Variants in EBF2 observed in about 807,000 individuals in gnomAD.
EBF2 encodes transcription factor COE2.
In EBF2, 21 loss-of-function variants were observed where a neutral mutation model predicts 72.8. The observed-to-expected ratio is 0.29, with a 90% CI of 0.20 to 0.42. The LOEUF (loss-of-function observed/expected upper bound fraction) is 0.42, where lower values mean the gene tolerates loss of function less well. Among genes scored for constraint, EBF2 ranks in the 10% least tolerant of loss-of-function variants. EBF2 has a pLI of 1.00. For missense variants in EBF2, 637 were observed against 731.2 expected (o/e 0.87, Z 1.49); for synonymous variants, 299 against 274.2 (o/e 1.09, Z -0.89).
In EBF2 at chr8:25,844,508, A is replaced by ATG; in HGVS notation, c.*99_*100dup. ...AGACCCAAGGGTGTCCATCATGTTC[A>ATG]TGTGGGGGCACCACTACACCCCCAA... On this transcript the variant is annotated 3_prime_UTR_variant, in exon 16 of 16. Coordinates refer to ENST00000520164, the MANE Select transcript of EBF2 (RefSeq NM_022659.4). 5 of 1,342,142 alleles carry ATG rather than the reference A, an allele frequency of 3.7e-6. No individual in the cohort carries two copies. The highest frequency in any genetic ancestry group is 5.3e-6 in the Non-Finnish European group (5 of 937,504). The allele number at this position is 1,342,142 out of a possible 1,614,324, so 83.1% of individuals were successfully genotyped here. A position where few individuals can be genotyped will look rare whatever the true frequency, so the allele number is the denominator to read the frequency against.
At chr8:25,869,038 A>T (rs909376791) in intron 10 of EBF2, among the ~76,000 whole-genome samples, 13 of 152,190 alleles carry the variant, frequency 8.5e-5, no homozygotes, top group Non-Finnish European at 1.5e-4. Context: ...CATATTAACA[A>T]GAATTTTTTA....
chr8:25,914,365 G>A (rs920300420), intron 6 of EBF2, among the ~76,000 whole-genome samples: 10 of 152,224 alleles, frequency 6.6e-5, no homozygotes, highest in African/African-American at 2.4e-4. Flanking sequence ...TCTACACCCA[G>A]GCAGCCCTAG....
intron 6 of EBF2, 83 bp from the exon 7 acceptor site, chr8:25,908,638 T>C (rs1803078303): frequency 1.1e-6 from 1 of 913,532 alleles, no homozygotes; most frequent in Non-Finnish European, 1.7e-6. Context: ...AGATTTGATT[T>C]GACAGCGATT....
At chr8:25,921,085 A>C (rs1436738479) in intron 6 of EBF2, among the ~76,000 whole-genome samples, 1 of 152,186 alleles carries the variant, frequency 6.6e-6, no homozygotes, top group Non-Finnish European at 1.5e-5. Flanking sequence ...CAAAAAAAGG[A>C]AAAAAGAAAG....
intron 7 of EBF2, among the ~76,000 whole-genome samples, chr8:25,897,298 C>A (rs1802876649): frequency 6.6e-6 from 1 of 152,012 alleles, no homozygotes; most frequent in Non-Finnish European, 1.5e-5. Context: ...ACTAAACCAA[C>A]ACTGGTCAAT....
chr8:26,012,130 AG>A (rs1805035822), intron 6 of EBF2, among the ~76,000 whole-genome samples: 1 of 152,132 alleles, frequency 6.6e-6, no homozygotes, highest in Non-Finnish European at 1.5e-5. Flanking sequence ...ATTTCCCTAG[AG>A]TTCCTGTGTC....
chr8:25,982,995 T>C (rs1168600942), intron 6 of EBF2, among the ~76,000 whole-genome samples: 1 of 151,952 alleles, frequency 6.6e-6, no homozygotes, highest in Non-Finnish European at 1.5e-5. Flanking sequence ...AATTCTCTGG[T>C]AAAAAATAAG....
intron 15 of EBF2, among the ~76,000 whole-genome samples, chr8:25,845,339 TGCCTCA>T (rs57718539): frequency 0.14 from 21,010 of 152,074 alleles, 1,615 homozygotes; most frequent in African/African-American, 0.2. Flanking sequence ...GTGATTCTCC[TGCCTCA>T]GCCTCTGCCT....
intron 6 of EBF2, among the ~76,000 whole-genome samples, chr8:26,013,296 G>T (rs758357756): frequency 3.8e-4 from 58 of 152,054 alleles, no homozygotes; most frequent in Non-Finnish European, 7.8e-4. Flanking sequence ...TCCTTTAAGA[G>T]ACTAGATCAC....
chr8:25,951,272 A>G (rs1043955156), intron 6 of EBF2, among the ~76,000 whole-genome samples: 1 of 152,154 alleles, frequency 6.6e-6, no homozygotes, highest in East Asian at 1.9e-4. Context: ...CAGCAACTAG[A>G]ATCTTCCCTG....
In EBF2 at chr8:25,858,388, T is replaced by C. The variant is rs1802139495; in HGVS notation, c.1459A>G (p.Met487Val). 1 of 1,614,048 alleles carries C rather than the reference T, an allele frequency of 6.2e-7. No homozygotes were observed. Among genetic ancestry groups the C allele is most frequent in the Non-Finnish European group, 8.5e-7 (1 of 1,180,038 alleles). Residue 487 changes from methionine to valine, a missense_variant, in exon 14 of 16, where the codon ATG becomes GTG. Around this residue, in one of 3 missense-constraint regions of EBF2, gnomAD observed 259 missense variants for 268.1 expected, o/e 0.97. Coordinates refer to ENST00000520164, the MANE Select transcript of EBF2 (RefSeq NM_022659.4). The stretch of plus-strand genomic sequence containing the variant: ...GAACCTGGAACACCCAAGTTGGCCA[T>C]GGGGACATTGCTGTAGCCATTCATA... The part of the protein sequence containing the change: ...NSMNGYSNVP[M>V]ANLGVPGSPG...
chr8:25,967,019 A>G (rs1804126043), intron 6 of EBF2, among the ~76,000 whole-genome samples: 1 of 152,228 alleles, frequency 6.6e-6, no homozygotes. Context: ...GCTGCCATGG[A>G]TGCTGCTACA....
At chr8:25,875,578 GCT>G (rs1183355921) in intron 10 of EBF2, among the ~76,000 whole-genome samples, 2 of 152,146 alleles carry the variant, frequency 1.3e-5, no homozygotes, top group African/African-American at 4.8e-5. Context: ...AACTTCACAG[GCT>G]CTGAGTGTAG....
intron 6 of EBF2, among the ~76,000 whole-genome samples, chr8:26,025,180 G>T (rs1805281440): frequency 6.6e-6 from 1 of 152,132 alleles, no homozygotes; most frequent in Non-Finnish European, 1.5e-5. Context: ...TTCAAGATCT[G>T]TGTTCCGGAC....
intron 7 of EBF2, among the ~76,000 whole-genome samples, chr8:25,903,339 A>C (rs1482882547): frequency 1.3e-5 from 2 of 151,968 alleles, no homozygotes; most frequent in African/African-American, 2.4e-5. Flanking sequence ...TAGCACCCTG[A>C]CATATTTTAA....
intron 6 of EBF2, among the ~76,000 whole-genome samples, chr8:26,005,553 T>TAGAGAGAGAGAG (rs1381800595): frequency 2.4e-4 from 6 of 25,166 alleles, no homozygotes; most frequent in African/African-American, 4.5e-4. Context: ...TATATATATA[T>TAGAGAGAGAGAG]ATATATATAG....
intron 6 of EBF2, among the ~76,000 whole-genome samples, chr8:25,974,003 C>T (rs145352343): frequency 6.6e-6 from 1 of 152,270 alleles, no homozygotes; most frequent in Non-Finnish European, 1.5e-5. Context: ...TATTAGAAAA[C>T]CTATAGGGCT....
intron 10 of EBF2, among the ~76,000 whole-genome samples, chr8:25,886,030 C>T (rs1486586215): frequency 6.6e-6 from 1 of 152,140 alleles, no homozygotes; most frequent in African/African-American, 2.4e-5. Flanking sequence ...CCCTTTCTCT[C>T]TTTGCCCATC....
At chr8:25,953,874 G>A (rs540720325) in intron 6 of EBF2, among the ~76,000 whole-genome samples, 3 of 152,174 alleles carry the variant, frequency 2.0e-5, no homozygotes, top group Non-Finnish European at 2.9e-5. Flanking sequence ...CAGAGCCTCT[G>A]GTTCTCCCTT....
Sources: gnomAD v4.1 joint callset for allele counts (sites outside exome capture counted in the v4.1 genomes callset) on GRCh38, gnomAD v4.1.1 for gene constraint, gnomAD v4.1.1 regional missense constraint, MANE v1.5 for transcripts, NCBI Gene and HGNC (gene_info 2026-07-23, HGNC 2026-07-21) for gene names.